CDH13: variants seen among roughly 807,000 people sequenced by gnomAD.
CDH13 encodes the protein cadherin-13.
In CDH13, 24 loss-of-function variants were observed where a neutral mutation model predicts 63.8. The observed-to-expected ratio is 0.38, with a 90% CI of 0.27 to 0.53. The LOEUF is 0.53. Ranked by LOEUF, CDH13 falls within the 20% of genes least tolerant of loss-of-function variation. The pLI is 0.85. For missense variants in CDH13, 1,049 were observed against 903.1 expected, an observed-to-expected ratio of 1.16 and a Z score of -2.07; for synonymous variants, 503 against 355.3, an observed-to-expected ratio of 1.42 and a Z score of -4.67.
chr16:83,200,921 ATGTGTG>A (rs374017580), intron 4 of CDH13, among the ~76,000 whole-genome samples: 8,534 of 129,592 alleles, frequency 0.066, 260 homozygotes, highest in Middle Eastern at 0.1. Flanking sequence ...AGTCTTAAAA[ATGTGTG>A]TGTGTGTGTG....
At chr16:82,627,337 CGTGTGTGTGTGTGTGTGT>C (rs71146081) in intron 1 of CDH13, among the ~76,000 whole-genome samples, 200 bp downstream of exon 1, 5 of 131,254 alleles carry the variant, frequency 3.8e-5, no homozygotes, top group East Asian at 4.5e-4. Context: ...CTCTGGCGTG[CGTGTGTGTGTGTGTGTGT>C]GTGTGTGTGT....
At chr16:83,297,366 T>C (rs1271047209) in intron 5 of CDH13, among the ~76,000 whole-genome samples, 1 of 152,180 alleles carries the variant, frequency 6.6e-6, no homozygotes, top group African/African-American at 2.4e-5. Context: ...ACAATAATTG[T>C]ACGTCAATTA....
intron 1 of CDH13, among the ~76,000 whole-genome samples, chr16:82,704,222 G>T (rs1057222162): frequency 1.3e-5 from 2 of 152,170 alleles, no homozygotes; most frequent in African/African-American, 4.8e-5. Context: ...GGCTCTAGGG[G>T]CACACTGCCT....
chr16:83,532,830 G>A (rs947040801), intron 7 of CDH13, among the ~76,000 whole-genome samples: 3 of 152,194 alleles, frequency 2.0e-5, no homozygotes, highest in African/African-American at 7.2e-5. Flanking sequence ...ACCGGTGTGT[G>A]TTATGAGCCA....
At chr16:83,424,845 G>C (rs1203748539) in intron 6 of CDH13, among the ~76,000 whole-genome samples, 1 of 152,136 alleles carries the variant, frequency 6.6e-6, no homozygotes, top group Admixed American at 6.5e-5. Context: ...TTCGCAGCTT[G>C]TGCACTCTCC....
At chr16:83,089,730 C>G (rs1038724886) in intron 3 of CDH13, among the ~76,000 whole-genome samples, 1 of 152,152 alleles carries the variant, frequency 6.6e-6, no homozygotes, top group African/African-American at 2.4e-5. Context: ...CACGACTTTG[C>G]TATAAGGGCT....
chr16:83,186,369 C>A (rs971310677), intron 4 of CDH13, among the ~76,000 whole-genome samples: 2 of 151,870 alleles, frequency 1.3e-5, no homozygotes, highest in East Asian at 1.9e-4. Context: ...AATCTCTTGA[C>A]CTTTTGATCC....
In CDH13 at chr16:82,876,412, C is replaced by G. The variant is rs547784548; in HGVS notation, c.157+17939C>G. On this transcript the variant is annotated intron_variant, in intron 2 of 13. Coordinates refer to ENST00000567109, the MANE Select transcript of CDH13 (RefSeq NM_001257.5). ...CTGTATACGACATTGAAAGAACATG[C>G]AACCCACATTTTTGTCTTATTTTCA... 4.5e-4 allele frequency among the ~76,000 whole-genome samples: 69 copies of G among 152,298 alleles called. 1 individual carries two copies. Among genetic ancestry groups the G allele is most frequent in the African/African-American group, 1.6e-3 (65 of 41,574 alleles).
intron 2 of CDH13, among the ~76,000 whole-genome samples, chr16:82,977,431 G>A (rs547964164): frequency 4.6e-5 from 7 of 152,268 alleles, no homozygotes; most frequent in South Asian, 2.1e-4. Context: ...TAATCCCCAC[G>A]TGTAATGGGA....
intron 3 of CDH13, among the ~76,000 whole-genome samples, chr16:83,086,828 A>T (rs559001712): frequency 4.5e-4 from 69 of 152,340 alleles, no homozygotes; most frequent in African/African-American, 1.6e-3. Flanking sequence ...TGGCTAAAAG[A>T]TCAAATATTG....
At chr16:82,705,393 A>G in intron 1 of CDH13, 1 of 272,100 alleles carries the variant, frequency 3.7e-6, no homozygotes, top group South Asian at 3.8e-5. Flanking sequence ...TCATTAGCCA[A>G]GCCACACAAT....
At chr16:83,340,306 G>GTGTA (rs2090693507) in intron 5 of CDH13, among the ~76,000 whole-genome samples, 1 of 660 alleles carries the variant, frequency 1.5e-3, no homozygotes, top group African/African-American at 1.8e-3. Flanking sequence ...CTACATCTGA[G>GTGTA]TGTGTGTGTG....
chr16:82,981,045 C>A (rs1196398254), intron 2 of CDH13, among the ~76,000 whole-genome samples: 4 of 152,116 alleles, frequency 2.6e-5, no homozygotes, highest in African/African-American at 9.7e-5. Context: ...GGAGCCCCAG[C>A]CTCCTGCGAC....
intron 3 of CDH13, among the ~76,000 whole-genome samples, chr16:83,073,863 A>T (rs1319537149): frequency 6.6e-6 from 1 of 152,100 alleles, no homozygotes; most frequent in African/African-American, 2.4e-5. Context: ...TTTTTTATTG[A>T]CACATAATAT....
At chr16:83,404,899 T>G (rs773461004) in intron 6 of CDH13, among the ~76,000 whole-genome samples, 1 of 152,252 alleles carries the variant, frequency 6.6e-6, no homozygotes, top group South Asian at 2.1e-4. Context: ...TTGCATTTTA[T>G]GGATGAACCA....
chr16:83,420,348 A>G (rs978454035), intron 6 of CDH13, among the ~76,000 whole-genome samples: 2 of 152,174 alleles, frequency 1.3e-5, no homozygotes, highest in Admixed American at 1.3e-4. Flanking sequence ...AAGCAGTTGA[A>G]TTCTCAAGCA....
intron 7 of CDH13, among the ~76,000 whole-genome samples, chr16:83,492,252 A>C (rs113171300): frequency 3.2e-4 from 48 of 152,328 alleles, no homozygotes; most frequent in African/African-American, 1.1e-3. Context: ...TGAAAGATAG[A>C]GGTAGTAGTC....
chr16:83,250,259 C>G lies in CDH13; in HGVS notation c.636+32762C>G, dbSNP rs981033011. ...TGAGCATTCAAAAAAGTCATTTTTCCTCCTTTTTACTTTTTCATTCATTAA... is the reference window on the plus strand; with the variant it reads ...TGAGCATTCAAAAAAGTCATTTTTCGTCCTTTTTACTTTTTCATTCATTAA... On this transcript the variant is annotated intron_variant, in intron 5 of 13. Transcript: ENST00000567109. Among the ~76,000 whole-genome samples, 4 of 152,016 alleles carry G rather than the reference C, an allele frequency of 2.6e-5. No individual in the cohort carries two copies. The South Asian group carries it at 8.3e-4, about 32-fold the overall frequency.
intron 6 of CDH13, among the ~76,000 whole-genome samples, chr16:83,461,330 C>T (rs1018116513): frequency 6.6e-6 from 1 of 152,036 alleles, no homozygotes; most frequent in African/African-American, 2.4e-5. Flanking sequence ...TCTCATTCAA[C>T]ATTTTTATCA....
Sources: allele counts gnomAD v4.1 joint callset (sites outside exome capture counted in the v4.1 genomes callset), GRCh38; gene constraint gnomAD v4.1.1; transcripts MANE v1.5; gene names NCBI Gene and HGNC (gene_info 2026-07-23, HGNC 2026-07-21).